The following USP3 variants were observed in gnomAD, a reference collection of about 807,000 sequenced individuals.
USP3 encodes ubiquitin specific peptidase 3, also known as ubiquitin carboxyl-terminal hydrolase 3.
Under a neutral mutation model 72.3 loss-of-function variants are expected in USP3, and 20 were observed. The ratio of observed to expected loss-of-function variants is 0.28; its 90% CI spans 0.19 to 0.40. The LOEUF (loss-of-function observed/expected upper bound fraction) is 0.40. Ranked by LOEUF, USP3 falls within the 10% of genes least tolerant of loss-of-function variation. USP3 has a pLI of 1.00. For synonymous variants in USP3, 222 were observed against 225.3 expected (o/e 0.99, Z 0.13); for missense variants, 479 against 633.9 (o/e 0.76, Z 2.62).
intron 2 of USP3, among the ~76,000 whole-genome samples, chr15:63,536,619 C>A (rs188251486): frequency 6.6e-6 from 1 of 151,598 alleles, no homozygotes; most frequent in South Asian, 2.1e-4. Flanking sequence ...GGAGCATAGG[C>A]GGGTGGATCA....
At chr15:63,510,492 A>G (rs1175019277) in intron 1 of USP3, among the ~76,000 whole-genome samples, 1 of 152,132 alleles carries the variant, frequency 6.6e-6, no homozygotes, top group African/African-American at 2.4e-5. Context: ...AAATAAATAG[A>G]TTTAGTCGGT....
chr15:63,580,641 C>CATATATATATATATATATAT (rs1210661793), intron 11 of USP3, among the ~76,000 whole-genome samples: 843 of 49,484 alleles, frequency 0.017, 22 homozygotes, highest in Middle Eastern at 0.052. Flanking sequence ...GAAAGTGGTG[C>CATATATATATATATATATAT]ATATATATAT....
intron 3 of USP3, chr15:63,542,057 G>A: frequency 1.0e-6 from 1 of 985,224 alleles, no homozygotes; most frequent in African/African-American, 1.7e-5. Flanking sequence ...TGTTTCAGAT[G>A]AGTGAAGAAT....
In USP3 at chr15:63,553,706, T is replaced by C; in HGVS notation, c.285-9T>C. Reference sequence around the variant, plus strand: ...TCTTTACACACATTGATTAATATTTTCCTTGCAGTTATCGCTGTGATGATT... The same window carrying C: ...TCTTTACACACATTGATTAATATTTCCCTTGCAGTTATCGCTGTGATGATT... On this transcript the variant is annotated splice_polypyrimidine_tract_variant and intron_variant, in intron 3 of 14. Transcript: ENST00000380324. This position sits in a 1 kb window ranked among gnomAD's most constrained non-coding sequence, Gnocchi z 4.2. The C allele has an allele frequency of 6.2e-7, 1 of 1,611,710 alleles. No individual in the cohort carries two copies.
At chr15:63,580,011 CA>C (rs2066926303) in intron 11 of USP3, among the ~76,000 whole-genome samples, 1 of 152,058 alleles carries the variant, frequency 6.6e-6, no homozygotes, top group South Asian at 2.1e-4. Flanking sequence ...ATACTAATTT[CA>C]CTTACAAGGG....
chr15:63,583,853 T>C (rs945905139), intron 11 of USP3, among the ~76,000 whole-genome samples: 2 of 152,236 alleles, frequency 1.3e-5, no homozygotes, highest in African/African-American at 2.4e-5. Context: ...GACTACATTC[T>C]GTTTATCCAT....
intron 1 of USP3, among the ~76,000 whole-genome samples, chr15:63,520,470 C>G (rs958807214): frequency 6.6e-6 from 1 of 150,448 alleles, no homozygotes; most frequent in Non-Finnish European, 1.5e-5. Flanking sequence ...TGTTAAAAAG[C>G]TATTTGGTTT....
chr15:63,586,096 C>T (rs1261758455), intron 11 of USP3, among the ~76,000 whole-genome samples: 1 of 152,164 alleles, frequency 6.6e-6, no homozygotes, highest in Non-Finnish European at 1.5e-5. Flanking sequence ...AACTTTTTAA[C>T]TGTAGGGTTT....
chr15:63,514,810 T>A (rs925580618), intron 1 of USP3, among the ~76,000 whole-genome samples: 1 of 152,192 alleles, frequency 6.6e-6, no homozygotes, highest in African/African-American at 2.4e-5. Flanking sequence ...GTGTTTACAT[T>A]TATGACCTGA....
rs1384839723 is a variant in USP3, at chr15:63,553,815, T to C, written c.368+17T>C. On this transcript the variant is annotated intron_variant, in intron 4 of 14. Transcript: ENST00000380324. The surrounding 1 kb of genome is among the most constrained non-coding windows in gnomAD (Gnocchi z 4.2). ...CTTGGAAAAGTAAGTAATAGGCCTT[T>C]GGAAAAAGAAGGGCCTAAGAATGGG... The C allele has an allele frequency of 6.2e-7, 1 of 1,602,998 alleles. No individual in the cohort carries two copies. The highest frequency in any genetic ancestry group is 8.5e-7 in the Non-Finnish European group (1 of 1,174,966).
In USP3 at chr15:63,546,725, G is replaced by A. The variant is rs561003629; in HGVS notation, c.285-6990G>A. Among the ~76,000 whole-genome samples, 174 of 152,092 alleles carry A rather than the reference G, an allele frequency of 1.1e-3. 1 individual carries two copies. The highest frequency in any genetic ancestry group is 4.1e-3 in the African/African-American group (168 of 41,476). ...CGCCATTCTCCTGCCTCAGCCTCCC[G>A]AGTAGCTGGGACTACAGGTGCCCGC... On this transcript the variant is annotated intron_variant, in intron 3 of 14. Coordinates refer to ENST00000380324, the MANE Select transcript of USP3 (RefSeq NM_006537.4).
Position 63,570,283 on chromosome 15 carries a change from G to C in USP3, c.762-150G>C. The C allele has an allele frequency of 9.8e-7, 1 of 1,023,424 alleles. No individual in the cohort carries two copies. Among genetic ancestry groups the C allele is most frequent in the Non-Finnish European group, 1.4e-6 (1 of 715,606 alleles). The allele number at this position is 1,023,424 out of a possible 1,614,324, so 63.4% of individuals were successfully genotyped here. On this transcript the variant is annotated intron_variant, in intron 8 of 14. Transcript: ENST00000380324. The surrounding 1 kb of genome is among the most constrained non-coding windows in gnomAD (Gnocchi z 4.4). The stretch of plus-strand genomic sequence containing the variant: ...TTCTTGAAGAGAAATTCTGTCACCT[G>C]TGGAGCTTTCGGGCATGAAGGTGAG...
rs1030233512 is a variant in USP3 at position 63,592,221 on chromosome 15, A to G, written c.*1395A>G. 2 of 151,540 alleles carry G rather than the reference A, an allele frequency of 1.3e-5. No homozygotes were observed. Among genetic ancestry groups the G allele is most frequent in the East Asian group, 3.9e-4 (2 of 5,148 alleles). The allele number at this position is 151,540 out of a possible 1,614,324, so 9.4% of individuals were successfully genotyped here. The stretch of plus-strand genomic sequence containing the variant: ...CAGGCGTGAGCCATCACGCCCAGAC[A>G]GTTTTGTTTTTAAAAAACAGATTTA... On this transcript the variant is annotated 3_prime_UTR_variant, in exon 15 of 15. Transcript: ENST00000380324.
intron 1 of USP3, among the ~76,000 whole-genome samples, chr15:63,511,760 G>A (rs187489159): frequency 6.6e-6 from 1 of 152,202 alleles, no homozygotes; most frequent in East Asian, 1.9e-4. Context: ...TTGTTGTAGG[G>A]TGGAGGAAGG....
At chr15:63,535,573 C>T (rs1435674176) in intron 2 of USP3, among the ~76,000 whole-genome samples, 2 of 152,170 alleles carry the variant, frequency 1.3e-5, no homozygotes, top group Admixed American at 6.5e-5. Flanking sequence ...TGAGCTTATC[C>T]TCTTAATCAT....
chr15:63,523,350 G>A lies in USP3; in HGVS notation c.92-9297G>A, dbSNP rs562921641. Among the ~76,000 whole-genome samples the A allele has an allele frequency of 4.6e-5, 7 of 152,170 alleles. No homozygotes were observed. In the East Asian group the frequency reaches 7.7e-4, roughly 17 times the overall value. On this transcript the variant is annotated intron_variant, in intron 1 of 14. Transcript: ENST00000380324. ...ACAGAGAGGAGGCAGGCTCTGGAAC[G>A]AACTTAGCGTAAGGTCATAGAATAA... is the stretch of plus-strand genomic sequence containing the variant.
At chr15:63,560,682 G>A (rs972744222) in intron 7 of USP3, among the ~76,000 whole-genome samples, 2 of 151,970 alleles carry the variant, frequency 1.3e-5, no homozygotes, top group East Asian at 3.9e-4. Context: ...ATTTTTGGTT[G>A]ATACGGAGAG....
intron 2 of USP3, among the ~76,000 whole-genome samples, chr15:63,534,845 T>C (rs2066131252): frequency 2.0e-5 from 3 of 152,164 alleles, no homozygotes; most frequent in African/African-American, 4.8e-5. Flanking sequence ...ATTATAAATA[T>C]ATATGATAAG....
rs1181845872 is a variant in USP3 at position 63,593,176 on chromosome 15, A to G, written c.*2350A>G. 6.6e-6 allele frequency: 1 copy of G among 152,230 alleles called. No homozygotes were observed. The highest frequency in any genetic ancestry group is 1.5e-5 in the Non-Finnish European group (1 of 68,032). 9.4% of individuals were successfully genotyped at this position (152,230 alleles called of 1,614,324 possible). On this transcript the variant is annotated 3_prime_UTR_variant, in exon 15 of 15. Coordinates refer to ENST00000380324, the MANE Select transcript of USP3 (RefSeq NM_006537.4). ...AATAGGGAGATGTGTGCTTAAATTA[A>G]TTTACAATGCTAAATTATATTAGGT... is the stretch of plus-strand genomic sequence containing the variant.
Sources: allele counts gnomAD v4.1 joint callset (sites outside exome capture counted in the v4.1 genomes callset), GRCh38; gene constraint gnomAD v4.1.1; non-coding constraint Gnocchi (gnomAD v3.1); transcripts MANE v1.5; gene names NCBI Gene and HGNC (gene_info 2026-07-23, HGNC 2026-07-21).